Variants in RGL1 observed in about 807,000 individuals in gnomAD.
RGL1 encodes ral guanine nucleotide dissociation stimulator-like 1.
Under a neutral mutation model 95.2 loss-of-function variants are expected in RGL1, and 24 were observed. The ratio of observed to expected loss-of-function variants is 0.25; its 90% confidence interval spans 0.18 to 0.35. The LOEUF (loss-of-function observed/expected upper bound fraction) is 0.35. Among genes scored for constraint, RGL1 ranks in the 10% least tolerant of loss-of-function variants. The pLI, the probability that RGL1 is intolerant of heterozygous loss-of-function variation, is 1.00. For synonymous variants in RGL1, 329 were observed against 344.9 expected (o/e 0.95, Z 0.51); for missense variants, 715 against 936.3 (o/e 0.76, Z 3.08).
At chr1:183,853,063 C>T (rs1176602729) in intron 3 of RGL1, among the ~76,000 whole-genome samples, 1 of 151,752 alleles carries the variant, frequency 6.6e-6, no homozygotes, top group East Asian at 2.0e-4. Context: ...GAGCTGAGTG[C>T]AGTGGCTCAT....
chr1:183,705,252 G>T (rs1238981841), intron 1 of RGL1, among the ~76,000 whole-genome samples: 1 of 152,110 alleles, frequency 6.6e-6, no homozygotes, highest in African/African-American at 2.4e-5. Context: ...AGGGACTGGA[G>T]GAGGGATATG....
chr1:183,922,179 C>T (rs762613809), intron 16 of RGL1, 43 bp from the exon 17 acceptor site: 37 of 1,521,036 alleles, frequency 2.4e-5, no homozygotes, highest in South Asian at 3.4e-5. Context: ...CCTCAGGAAA[C>T]GTGAAGCTAA....
chr1:183,911,827 GGACCATT>G (rs371834693), intron 14 of RGL1, among the ~76,000 whole-genome samples: 36 of 152,218 alleles, frequency 2.4e-4, no homozygotes, highest in African/African-American at 8.2e-4. Flanking sequence ...AAAATGTAGA[GGACCATT>G]GACCTAGAAA....
At chr1:183,754,002 G>C (rs1658187594) in intron 2 of RGL1, among the ~76,000 whole-genome samples, 1 of 149,778 alleles carries the variant, frequency 6.7e-6, no homozygotes, top group South Asian at 2.1e-4. Flanking sequence ...GAGAGAATTT[G>C]CATTTGTTTC....
intron 1 of RGL1, chr1:183,647,997 G>C (rs2101990353): frequency 6.2e-7 from 1 of 1,614,196 alleles, no homozygotes; most frequent in Non-Finnish European, 8.5e-7. Flanking sequence ...ATTGTTTAAG[G>C]GGTAGCTCTC....
At chr1:183,722,491 T>G (rs1656065936) in intron 1 of RGL1, among the ~76,000 whole-genome samples, 1 of 152,088 alleles carries the variant, frequency 6.6e-6, no homozygotes, top group Non-Finnish European at 1.5e-5. Flanking sequence ...ACTCGGAACA[T>G]GAAGCAAGAT....
chr1:183,648,217 T>C (rs762762558), intron 1 of RGL1: 25 of 1,614,082 alleles, frequency 1.5e-5, no homozygotes, highest in East Asian at 2.2e-5. Context: ...CCACCACTTA[T>C]TGGACTCAAA....
At chr1:183,761,215 C>T (rs1017575311) in intron 2 of RGL1, among the ~76,000 whole-genome samples, 1 of 152,184 alleles carries the variant, frequency 6.6e-6, no homozygotes, top group Non-Finnish European at 1.5e-5. Context: ...CTAGATCCAT[C>T]AGAGGAATCA....
intron 1 of RGL1, among the ~76,000 whole-genome samples, chr1:183,715,087 T>A (rs909180995): frequency 8.5e-5 from 13 of 152,168 alleles, no homozygotes; most frequent in African/African-American, 1.9e-4. Flanking sequence ...GAAACTTTTT[T>A]AAATTAAGGT....
chr1:183,788,480 G>C (rs774476466), intron 2 of RGL1, among the ~76,000 whole-genome samples: 1 of 152,156 alleles, frequency 6.6e-6, no homozygotes, highest in Non-Finnish European at 1.5e-5. Flanking sequence ...TAAATCCAGA[G>C]ACATACCTAG....
At chr1:183,849,483 G>GTTTTTTTTTTTTTTTTTTTTTTT (rs1418103960) in intron 3 of RGL1, among the ~76,000 whole-genome samples, 5 of 120,850 alleles carry the variant, frequency 4.1e-5, no homozygotes, top group African/African-American at 6.5e-5. Context: ...CCAGTTTTTA[G>GTTTTTTTTTTTTTTTTTTTTTTT]TTTTTTTTTT....
At chr1:183,823,522 C>G (rs1662638674) in intron 2 of RGL1, among the ~76,000 whole-genome samples, 1 of 152,134 alleles carries the variant, frequency 6.6e-6, no homozygotes, top group South Asian at 2.1e-4. Context: ...ACATAAAGCT[C>G]TGTGATATAT....
At chr1:183,878,536 A>C (rs1421413042) in intron 4 of RGL1, among the ~76,000 whole-genome samples, 10 of 152,214 alleles carry the variant, frequency 6.6e-5, no homozygotes, top group Non-Finnish European at 1.3e-4. Flanking sequence ...ATATCCACAG[A>C]AAAGCCTAGA....
chr1:183,703,974 G>A (rs1654752354), intron 1 of RGL1, among the ~76,000 whole-genome samples: 1 of 152,200 alleles, frequency 6.6e-6, no homozygotes, highest in Admixed American at 6.5e-5. Context: ...GATTGTTTGA[G>A]AGTGAGGAAG....
intron 1 of RGL1, among the ~76,000 whole-genome samples, chr1:183,720,688 C>T (rs1655970243): frequency 6.6e-6 from 1 of 152,130 alleles, no homozygotes; most frequent in Non-Finnish European, 1.5e-5. Flanking sequence ...GTCCTGGAAC[C>T]TAATGTGTGG....
chr1:183,887,157 C>T (rs1317200270), intron 7 of RGL1, among the ~76,000 whole-genome samples: 2 of 6,760 alleles, frequency 3.0e-4, no homozygotes, highest in Non-Finnish European at 7.2e-4. Context: ...TCTCTCTCTT[C>T]CCCTCCCTCC....
intron 2 of RGL1, among the ~76,000 whole-genome samples, chr1:183,789,477 CA>C (rs1382966423): frequency 6.6e-6 from 1 of 151,852 alleles, no homozygotes; most frequent in Non-Finnish European, 1.5e-5. Context: ...AAACAAAAAA[CA>C]ATAACAAAAA....
chr1:183,781,962 T>C (rs1411904454), intron 2 of RGL1, among the ~76,000 whole-genome samples: 1 of 152,262 alleles, frequency 6.6e-6, no homozygotes, highest in Non-Finnish European at 1.5e-5. Flanking sequence ...CAGACTCATG[T>C]AGCTGGTTTC....
chr1:183,659,146 G>A (rs567152927), intron 1 of RGL1, among the ~76,000 whole-genome samples: 2 of 152,182 alleles, frequency 1.3e-5, no homozygotes, highest in African/African-American at 2.4e-5. Flanking sequence ...AAAAAGCAGA[G>A]CGCCTCTCCT....
Sources: allele counts gnomAD v4.1 joint callset (sites outside exome capture counted in the v4.1 genomes callset), GRCh38; gene constraint gnomAD v4.1.1; transcripts MANE v1.5; gene names NCBI Gene and HGNC (gene_info 2026-07-23, HGNC 2026-07-21).